The following TBC1D32 variants were observed in gnomAD, a reference collection of about 807,000 sequenced individuals.
The protein encoded by TBC1D32 is TBC1 domain family member 32.
In TBC1D32, 151 loss-of-function variants were observed where a neutral mutation model predicts 170.3. The ratio of observed to expected loss-of-function variants is 0.89; its 90% CI spans 0.78 to 1.01. The LOEUF (loss-of-function observed/expected upper bound fraction) is 1.01, where lower values mean the gene tolerates loss of function less well. Among genes scored for constraint, TBC1D32 ranks in the 50% least tolerant of loss-of-function variants. The pLI is 0.00. For missense variants in TBC1D32, 1,464 were observed against 1,457.1 expected (o/e 1.00, Z -0.08); for synonymous variants, 498 against 488.0 (o/e 1.02, Z -0.27).
At chr6:121,314,985 GGAA>G (rs1483697905) in intron 3 of TBC1D32, among the ~76,000 whole-genome samples, 2 of 152,104 alleles carry the variant, frequency 1.3e-5, no homozygotes, top group African/African-American at 4.8e-5. Flanking sequence ...TCCCTATACG[GGAA>G]GTAGTATTTT....
chr6:121,264,711 T>C (rs1486184166), intron 15 of TBC1D32, among the ~76,000 whole-genome samples: 1 of 152,152 alleles, frequency 6.6e-6, no homozygotes, highest in African/African-American at 2.4e-5. Flanking sequence ...AAAAAGCTTA[T>C]CCACCATGAT....
intron 9 of TBC1D32, among the ~76,000 whole-genome samples, chr6:121,302,191 A>C (rs940657947): frequency 2.6e-5 from 4 of 152,130 alleles, no homozygotes; most frequent in African/African-American, 7.2e-5. Flanking sequence ...GCCTAGACCC[A>C]CTTTTGCAAA....
chr6:121,317,505 G>C lies in TBC1D32; in HGVS notation c.485C>G (p.Ser162Ter). 1 of 1,595,862 alleles carries C rather than the reference G, an allele frequency of 6.3e-7. No homozygotes were observed. ...RTDNCSDSDS[S>*]LNQSYKFCQG... ...AACTGAACAACACACCTGATTCAAT[G>C]ATGAATCACTATCAGAGCAATTGTC... The change falls in exon 3 of 32, where the codon TCA (serine) becomes TGA (stop). Residue 162 changes from serine to a stop codon, truncating the protein, a stop_gained. Transcript: ENST00000398212. LOFTEE classifies it high-confidence loss of function.
chr6:121,219,958 TA>T lies in TBC1D32; in HGVS notation c.2481+3277del, dbSNP rs1376721173. On this transcript the variant is annotated intron_variant, in intron 21 of 31. Transcript: ENST00000398212. ...TGGGGCACCATGAACTGTATCCAGA[TA>T]AGACAACAAACTTAACAGATAAATG... is the stretch of plus-strand genomic sequence containing the variant. Among the ~76,000 whole-genome samples, 3 of 152,334 alleles carry T rather than the reference TA, an allele frequency of 2.0e-5. No homozygotes were observed. The East Asian group carries it at 5.8e-4, about 29-fold the overall frequency.
chr6:121,308,373 G>C (rs1251550797), intron 4 of TBC1D32, among the ~76,000 whole-genome samples: 5 of 151,900 alleles, frequency 3.3e-5, no homozygotes, highest in Non-Finnish European at 5.9e-5. Flanking sequence ...AGAGGAATGG[G>C]AGGAAGAATG....
At chr6:121,179,202 A>C (rs978926333) in intron 22 of TBC1D32, among the ~76,000 whole-genome samples, 6 of 151,810 alleles carry the variant, frequency 4.0e-5, no homozygotes, top group African/African-American at 1.4e-4. Context: ...ATATATATAC[A>C]CACACACACT....
At chr6:121,172,117 T>C (rs551960315) in intron 22 of TBC1D32, among the ~76,000 whole-genome samples, 47 of 152,268 alleles carry the variant, frequency 3.1e-4, no homozygotes, top group Non-Finnish European at 5.1e-4. Flanking sequence ...ATATTCTCTC[T>C]TGAATGCCAC....
In TBC1D32 at chr6:121,152,449, C is replaced by T. The variant is rs184675905; in HGVS notation, c.2773+7561G>A. 7.9e-5 allele frequency among the ~76,000 whole-genome samples: 12 copies of T among 152,208 alleles called. No individual in the cohort carries two copies. The East Asian group carries it at 1.7e-3, about 22-fold the overall frequency. On this transcript the variant is annotated intron_variant, in intron 24 of 31. Coordinates refer to ENST00000398212, the MANE Select transcript of TBC1D32 (RefSeq NM_152730.6). The stretch of plus-strand genomic sequence containing the variant: ...CTTAAAATTTTTTCCTTTATTTCAA[C>T]CTTGGTGATTCTGTCGATTATGTGT...
chr6:121,211,994 AACACACAC>A (rs66924686), intron 21 of TBC1D32, among the ~76,000 whole-genome samples: 78 of 148,584 alleles, frequency 5.2e-4, no homozygotes, highest in East Asian at 9.9e-4. Flanking sequence ...GAACAAACAC[AACACACAC>A]ACACACACAC....
At chr6:121,239,315 T>C (rs1452114638) in intron 19 of TBC1D32, 127 bp from the exon 20 acceptor site, 2 of 469,698 alleles carry the variant, frequency 4.3e-6, no homozygotes, top group Non-Finnish European at 7.7e-6. Context: ...GCATCTTATA[T>C]AAAAAATAAT....
chr6:121,116,547 T>A (rs966117898), intron 26 of TBC1D32, among the ~76,000 whole-genome samples: 1 of 152,180 alleles, frequency 6.6e-6, no homozygotes, highest in African/African-American at 2.4e-5. Flanking sequence ...TTTTTTCTCT[T>A]CTGGAAAGTA....
intron 10 of TBC1D32, among the ~76,000 whole-genome samples, chr6:121,297,486 C>G (rs922098036): frequency 9.9e-5 from 15 of 151,932 alleles, no homozygotes; most frequent in Non-Finnish European, 2.2e-4. Context: ...AGAAACCATT[C>G]CTTTAGGGGT....
At chr6:121,195,739 T>G (rs566255618) in intron 22 of TBC1D32, among the ~76,000 whole-genome samples, 1 of 152,264 alleles carries the variant, frequency 6.6e-6, no homozygotes, top group Non-Finnish European at 1.5e-5. Context: ...GACTAGGGCC[T>G]GGTTCACAGA....
chr6:121,107,942 T>C (rs1778846336), intron 29 of TBC1D32, among the ~76,000 whole-genome samples: 2 of 149,602 alleles, frequency 1.3e-5, no homozygotes, highest in South Asian at 4.1e-4. Context: ...GAGGTAAGAG[T>C]TCTTCTACTC....
intron 21 of TBC1D32, among the ~76,000 whole-genome samples, chr6:121,222,201 C>T (rs532686977): frequency 3.2e-4 from 49 of 152,002 alleles, no homozygotes; most frequent in Admixed American, 1.0e-3. Context: ...CTTTTTTAGA[C>T]GTAATTCTAT....
At chr6:121,169,023 G>A (rs201574415) in intron 22 of TBC1D32, among the ~76,000 whole-genome samples, 12 of 151,592 alleles carry the variant, frequency 7.9e-5, no homozygotes, top group Admixed American at 4.0e-4. Flanking sequence ...AATGCTATTC[G>A]TATTAAACTA....
chr6:121,203,718 A>G (rs1479768695), intron 22 of TBC1D32, among the ~76,000 whole-genome samples: 1 of 151,370 alleles, frequency 6.6e-6, no homozygotes, highest in Admixed American at 6.6e-5. Context: ...AGTAAAGAGC[A>G]GGCAGTTTGA....
At chr6:121,105,386 C>T (rs1778577909) in intron 30 of TBC1D32, among the ~76,000 whole-genome samples, 1 of 151,946 alleles carries the variant, frequency 6.6e-6, no homozygotes, top group South Asian at 2.1e-4. Context: ...TGAAGTATCT[C>T]TGCTCTCTCA....
rs748735502 is a variant in TBC1D32 at position 121,283,804 on chromosome 6, A to G, written c.1465+14T>C. 19 of 1,559,406 alleles carry G rather than the reference A, an allele frequency of 1.2e-5. No homozygotes were observed. The Middle Eastern group carries it at 8.8e-4, about 73-fold the overall frequency. On this transcript the variant is annotated intron_variant, in intron 13 of 31. Transcript: ENST00000398212. ...TGTTTTATATTTCTCTATTTAAAAT[A>G]GAAACAGAATTACCTGAATGGGCAG...
Sources: gnomAD v4.1 joint callset for allele counts (sites outside exome capture counted in the v4.1 genomes callset) on GRCh38, gnomAD v4.1.1 for gene constraint, MANE v1.5 for transcripts, NCBI Gene and HGNC (gene_info 2026-07-23, HGNC 2026-07-21) for gene names.